The following VAV1 variants were observed in gnomAD, a reference collection of about 807,000 sequenced individuals.
VAV1 encodes the protein vav guanine nucleotide exchange factor 1, also known as proto-oncogene vav.
Under a neutral mutation model 128.1 loss-of-function variants are expected in VAV1, and 33 were observed. The observed-to-expected ratio is 0.26, with a 90% CI of 0.20 to 0.34. VAV1 has a LOEUF of 0.34. Ranked by LOEUF, VAV1 falls within the 10% of genes least tolerant of loss-of-function variation. The pLI is 1.00. For synonymous variants in VAV1, 394 were observed against 409.8 expected, an observed-to-expected ratio of 0.96 and a Z score of 0.47; for missense variants, 715 against 1,093.7, an observed-to-expected ratio of 0.65 and a Z score of 4.88.
chr19:6,851,095 A>G (rs1383429087), intron 24 of VAV1, among the ~76,000 whole-genome samples: 1 of 151,982 alleles, frequency 6.6e-6, no homozygotes, highest in East Asian at 1.9e-4. Flanking sequence ...TTACGTATAT[A>G]TACATATGTA....
At chr19:6,784,274 G>A in intron 1 of VAV1, 1 of 567,038 alleles carries the variant, frequency 1.8e-6, no homozygotes, top group Non-Finnish European at 3.2e-6. Flanking sequence ...ATCTATGCAG[G>A]TCTGTGGAAA....
chr19:6,833,874 T>C, intron 18 of VAV1, 34 bp from the exon 19 acceptor site: 1 of 1,614,072 alleles, frequency 6.2e-7, no homozygotes. Flanking sequence ...AGGCTGGGCA[T>C]AGGTAGACAG....
chr19:6,844,063 C>CTTTTTTTTTTT lies in VAV1; in HGVS notation c.2012+928_2012+938dup, dbSNP rs71177123. ...ACTTTCTTCTTTTCTTCTTCTTCTTCTTTTTTTTTTTTTTTTTTTTTTTTT... is the reference window on the plus strand; with the variant it reads ...ACTTTCTTCTTTTCTTCTTCTTCTTCTTTTTTTTTTTTTTTTTTTTTTTTTTTTTTTTTTTT... On this transcript the variant is annotated intron_variant, in intron 22 of 26. Coordinates refer to ENST00000602142, the MANE Select transcript of VAV1 (RefSeq NM_005428.4). Among the ~76,000 whole-genome samples the CTTTTTTTTTTT allele has an allele frequency of 2.3e-3, 48 of 21,318 alleles. 15 individuals are homozygous for CTTTTTTTTTTT. Among genetic ancestry groups the CTTTTTTTTTTT allele is most frequent in the African/African-American group, 3.4e-3 (28 of 8,148 alleles). The allele number at this position is 21,318 out of a possible 152,430, so 14.0% of individuals were successfully genotyped here.
At chr19:6,814,665 TTC>T (rs1568299125) in intron 1 of VAV1, among the ~76,000 whole-genome samples, 59 of 81,858 alleles carry the variant, frequency 7.2e-4, no homozygotes, top group African/African-American at 1.8e-3. Context: ...CCTTCCTTCC[TTC>T]CTTCCTTTCT....
rs1317626209 is a variant in VAV1, at chr19:6,821,805, A to T, written c.395A>T (p.Glu132Val). 1 of 1,613,948 alleles carries T rather than the reference A, an allele frequency of 6.2e-7. No individual in the cohort carries two copies. The highest frequency in any genetic ancestry group is 8.5e-7 in the Non-Finnish European group (1 of 1,179,996). ...QNRGIMPFPT[E>V]EESVGDEDIY... ...TGACCCCCCAGGCCCTTCCCCACCGAGGAGGAGAGTGTAGGTGATGAAGAC... is the reference window on the plus strand; with the variant it reads ...TGACCCCCCAGGCCCTTCCCCACCGTGGAGGAGAGTGTAGGTGATGAAGAC... The change falls in exon 4 of 27, where the codon GAG (glutamate) becomes GTG (valine). Residue 132 changes from glutamate to valine, a missense_variant. Glu to Val is a moderately radical substitution (Grantham distance 121). This residue lies in a region of VAV1 where 302 missense variants were observed against 477.8 expected (regional missense o/e 0.63). Transcript: ENST00000602142.
chr19:6,802,936 A>T lies in VAV1; in HGVS notation c.205-17766A>T, dbSNP rs563564195. 1.2e-4 allele frequency among the ~76,000 whole-genome samples: 18 copies of T among 152,312 alleles called. 1 individual carries two copies. In the East Asian group the frequency reaches 3.5e-3, roughly 29 times the overall value. Reference sequence around the variant, plus strand: ...AGGTATTGAGGTCCTCTATTTACCCAAAGGAGTTGAACATTTATGTCCACA... The same window carrying T: ...AGGTATTGAGGTCCTCTATTTACCCTAAGGAGTTGAACATTTATGTCCACA... On this transcript the variant is annotated intron_variant, in intron 1 of 26. Transcript: ENST00000602142.
At chr19:6,788,566 G>A (rs770576980) in intron 1 of VAV1, among the ~76,000 whole-genome samples, 4 of 151,968 alleles carry the variant, frequency 2.6e-5, no homozygotes, top group South Asian at 4.2e-4. Flanking sequence ...TAGTAGAGAC[G>A]GGGTTTCACC....
chr19:6,841,074 G>A (rs1972364145), intron 21 of VAV1, among the ~76,000 whole-genome samples: 1 of 151,550 alleles, frequency 6.6e-6, no homozygotes, highest in Non-Finnish European at 1.5e-5. Context: ...CACCATGCCG[G>A]GCCTAATTTT....
chr19:6,816,654 G>C (rs1971663076), intron 1 of VAV1, among the ~76,000 whole-genome samples: 1 of 151,948 alleles, frequency 6.6e-6, no homozygotes, highest in Non-Finnish European at 1.5e-5. Flanking sequence ...ACCGATCTAA[G>C]CCTGCTTTCT....
intron 1 of VAV1, 58 bp downstream of exon 1, chr19:6,773,069 T>C: frequency 6.2e-7 from 1 of 1,602,934 alleles, no homozygotes; most frequent in South Asian, 1.1e-5. Flanking sequence ...TCCCCGGGGC[T>C]GACAGTCGAG....
At chr19:6,851,454 T>G (rs1283025119) in intron 24 of VAV1, among the ~76,000 whole-genome samples, 3 of 152,072 alleles carry the variant, frequency 2.0e-5, no homozygotes, top group Admixed American at 2.0e-4. Context: ...AGTGTTGGGA[T>G]TACAGGTGTG....
At position 6,828,263 on chromosome 19, in the gene VAV1, T is replaced by C. The variant is rs1971965738; in HGVS notation, c.1023+92T>C. On this transcript the variant is annotated intron_variant, in intron 10 of 26. Coordinates refer to ENST00000602142, the MANE Select transcript of VAV1 (RefSeq NM_005428.4). The surrounding 1 kb of genome is among the most constrained non-coding windows in gnomAD (Gnocchi z 4.5). ...GGGGCTGGCTTCTGGGGGTTGGGTC[T>C]CTAGGACGCTCGGGGATGGGTCACT... 4.6e-6 allele frequency: 7 copies of C among 1,533,656 alleles called. No homozygotes were observed. Among genetic ancestry groups the C allele is most frequent in the East Asian group, 2.3e-5 (1 of 43,622 alleles).
intron 6 of VAV1, among the ~76,000 whole-genome samples, chr19:6,824,432 G>GC (rs1306686538): frequency 6.6e-6 from 1 of 152,138 alleles, no homozygotes; most frequent in Non-Finnish European, 1.5e-5. Context: ...GGCTTCTTTT[G>GC]CTGAGCGTAG....
At chr19:6,850,803 G>A (rs1233461133) in intron 24 of VAV1, 46 bp downstream of exon 24, 1 of 1,601,504 alleles carries the variant, frequency 6.2e-7, no homozygotes, top group Non-Finnish European at 8.6e-7. Flanking sequence ...GAACCTAGGA[G>A]GACCCTCCCT....
chr19:6,786,680 G>A (rs963149551), intron 1 of VAV1, among the ~76,000 whole-genome samples: 2 of 152,098 alleles, frequency 1.3e-5, no homozygotes, highest in Admixed American at 1.3e-4. Flanking sequence ...CTACTCAAGA[G>A]GCTGAGGTGG....
intron 1 of VAV1, among the ~76,000 whole-genome samples, chr19:6,798,697 A>T (rs2436517): frequency 0.77 from 116,308 of 151,228 alleles, 46,300 homozygotes; most frequent in East Asian, 0.94. Flanking sequence ...AAAAGAAAGA[A>T]TCAGGGTCTC....
At position 6,777,932 on chromosome 19, in the gene VAV1, C is replaced by T. The variant is rs1338890111; in HGVS notation, c.204+4921C>T. ...TCTCCTGCAGCAGCCTCCTGAGTAT[C>T]TGGGATTACAGGCGCCTGCCACCAC... On this transcript the variant is annotated intron_variant, in intron 1 of 26. Coordinates refer to ENST00000602142, the MANE Select transcript of VAV1 (RefSeq NM_005428.4). This position sits in a 1 kb window ranked among gnomAD's most constrained non-coding sequence, Gnocchi z 4.4. Among the ~76,000 whole-genome samples, 1 of 152,164 alleles carries T rather than the reference C, an allele frequency of 6.6e-6. No homozygotes were observed. The highest frequency in any genetic ancestry group is 1.5e-5 in the Non-Finnish European group (1 of 68,026).
intron 1 of VAV1, among the ~76,000 whole-genome samples, chr19:6,805,839 A>AAAGGAAGGAAGGAAG (rs2144739411): frequency 6.6e-6 from 1 of 151,818 alleles, no homozygotes; most frequent in East Asian, 1.9e-4. Context: ...AGAGAGGAGG[A>AAAGGAAGGAAGGAAG]AAGGAAGGAA....
intron 17 of VAV1, 39 bp from the exon 18 acceptor site, chr19:6,833,672 G>A: frequency 1.2e-6 from 2 of 1,614,130 alleles, no homozygotes; most frequent in Non-Finnish European, 8.5e-7. Context: ...TCTCTTTGGA[G>A]GATTTCCCGT....
Sources: allele counts gnomAD v4.1 joint callset (sites outside exome capture counted in the v4.1 genomes callset), GRCh38; gene constraint gnomAD v4.1.1; regional missense constraint gnomAD v4.1.1; non-coding constraint Gnocchi (gnomAD v3.1); transcripts MANE v1.5; gene names NCBI Gene and HGNC (gene_info 2026-07-23, HGNC 2026-07-21).